Variants in ATXN10 observed in about 807,000 individuals in gnomAD.
The protein encoded by ATXN10 is ataxin-10.
In ATXN10, 28 loss-of-function variants were observed where a neutral mutation model predicts 52.9. The ratio of observed to expected loss-of-function variants is 0.53; its 90% CI spans 0.39 to 0.73. The LOEUF is 0.73. Ranked by LOEUF, ATXN10 falls within the 30% of genes least tolerant of loss-of-function variation. ATXN10 has a pLI of 0.00. For synonymous variants in ATXN10, 226 were observed against 221.5 expected, an observed-to-expected ratio of 1.02 and a Z score of -0.18; for missense variants, 565 against 577.0, an observed-to-expected ratio of 0.98 and a Z score of 0.21.
intron 9 of ATXN10, among the ~76,000 whole-genome samples, chr22:45,803,142 G>C (rs1210851586): frequency 6.6e-6 from 1 of 152,174 alleles, no homozygotes; most frequent in African/African-American, 2.4e-5. Flanking sequence ...CTTTGAAGAA[G>C]GCACTATCAT....
chr22:45,734,498 G>GAGGT (rs1925211744), intron 7 of ATXN10: 2 of 155,856 alleles, frequency 1.3e-5, no homozygotes, highest in African/African-American at 5.0e-5. Context: ...TAATCTAGTT[G>GAGGT]AGGTTATCAA....
Position 45,684,181 on chromosome 22 carries a change from G to C in ATXN10, c.117-5531G>C, listed in dbSNP as rs910713232. On this transcript the variant is annotated intron_variant, in intron 1 of 11. Transcript: ENST00000252934. This position sits in a 1 kb window ranked among gnomAD's most constrained non-coding sequence, Gnocchi z 4.1. ...AGATAGGGTCTTGCTATGTTAGGCA[G>C]GTCTTGAACTCTCCTGGCTTCTGCC... 2.0e-5 allele frequency among the ~76,000 whole-genome samples: 3 copies of C among 151,426 alleles called. No homozygotes were observed. The highest frequency in any genetic ancestry group is 2.0e-4 in the Admixed American group (3 of 15,194).
chr22:45,842,732 T>TA lies in ATXN10; in HGVS notation c.1238-258dup, dbSNP rs1569085879. Among the ~76,000 whole-genome samples the TA allele has an allele frequency of 6.6e-6, 1 of 152,216 alleles. No homozygotes were observed. Among genetic ancestry groups the TA allele is most frequent in the African/African-American group, 2.4e-5 (1 of 41,468 alleles). ...CTTCCTTGTTCATTCATTCAACAAA[T>TA]ACTGAGTAAATCTCTCTGGGTGCCC... is the stretch of plus-strand genomic sequence containing the variant. On this transcript the variant is annotated intron_variant, in intron 10 of 11. Coordinates refer to ENST00000252934, the MANE Select transcript of ATXN10 (RefSeq NM_013236.4). The surrounding 1 kb of genome is among the most constrained non-coding windows in gnomAD (Gnocchi z 4.8).
Position 45,805,696 on chromosome 22 carries a change from G to T in ATXN10, c.1174-1263G>T, listed in dbSNP as rs1284373291. Among the ~76,000 whole-genome samples the T allele has an allele frequency of 6.6e-6, 1 of 152,218 alleles. No individual in the cohort carries two copies. The highest frequency in any genetic ancestry group is 6.5e-5 in the Admixed American group (1 of 15,280). ...AAGGATAGTTGCCAAGGACTGGGGG[G>T]AGGGAAGAATAAGGAGTGACTGCCA... On this transcript the variant is annotated intron_variant, in intron 9 of 11. Transcript: ENST00000252934. The surrounding 1 kb of genome is among the most constrained non-coding windows in gnomAD (Gnocchi z 4.4).
At chr22:45,802,582 C>T (rs1042680561) in intron 9 of ATXN10, among the ~76,000 whole-genome samples, 7 of 152,162 alleles carry the variant, frequency 4.6e-5, no homozygotes, top group Non-Finnish European at 8.8e-5. Context: ...ATGTTGTAAA[C>T]GTTTAATGAA....
At position 45,757,166 on chromosome 22, in the gene ATXN10, G is replaced by C. The variant is rs1376117125; in HGVS notation, c.1173+16628G>C. ...GCGGACGACTGGGGAGTCTGATGGG[G>C]AGGTGGGTGGCGGGGGTGTTGACAG... On this transcript the variant is annotated intron_variant, in intron 9 of 11. Coordinates refer to ENST00000252934, the MANE Select transcript of ATXN10 (RefSeq NM_013236.4). The surrounding 1 kb of genome is among the most constrained non-coding windows in gnomAD (Gnocchi z 4.6). Among the ~76,000 whole-genome samples, 1 of 152,174 alleles carries C rather than the reference G, an allele frequency of 6.6e-6. No individual in the cohort carries two copies. The highest frequency in any genetic ancestry group is 1.5e-5 in the Non-Finnish European group (1 of 68,036).
intron 5 of ATXN10, among the ~76,000 whole-genome samples, chr22:45,710,618 G>A (rs1218831180): frequency 6.6e-6 from 1 of 152,192 alleles, no homozygotes; most frequent in African/African-American, 2.4e-5. Context: ...TAGAACATGT[G>A]TTGACAAACT....
chr22:45,732,076 A>G lies in ATXN10; in HGVS notation c.894+2486A>G, dbSNP rs1925108863. 6.6e-6 allele frequency among the ~76,000 whole-genome samples: 1 copy of G among 152,164 alleles called. No individual in the cohort carries two copies. Among genetic ancestry groups the G allele is most frequent in the Non-Finnish European group, 1.5e-5 (1 of 68,034 alleles). ...ATTGTAGTGAGAAATTCCTGGTGTA[A>G]CTTTTCATATTTAGGAAAACTTCTA... On this transcript the variant is annotated intron_variant, in intron 7 of 11. Coordinates refer to ENST00000252934, the MANE Select transcript of ATXN10 (RefSeq NM_013236.4). This position sits in a 1 kb window ranked among gnomAD's most constrained non-coding sequence, Gnocchi z 4.5.
rs886539060 is a variant in ATXN10 at position 45,794,007 on chromosome 22, G to C, written c.1174-12952G>C. The stretch of plus-strand genomic sequence containing the variant: ...TATTTATACCCACTTTTAACTATAT[G>C]CGAATTAAGGGGCAGTTTATGCAGA... On this transcript the variant is annotated intron_variant, in intron 9 of 11. Coordinates refer to ENST00000252934, the MANE Select transcript of ATXN10 (RefSeq NM_013236.4). 5.9e-4 allele frequency among the ~76,000 whole-genome samples: 90 copies of C among 152,218 alleles called. 1 individual carries two copies. The highest frequency in any genetic ancestry group is 5.7e-3 in the Admixed American group (87 of 15,282).
chr22:45,799,087 G>GTTTTTTGTT lies in ATXN10; in HGVS notation c.1174-7867_1174-7866insTGTTTTTTT. ...AGGAGACATTTGTGTTTTGTTTTTT[G>GTTTTTTGTT]TTTTTCTTTTGAGACAGAGTTTCAC... On this transcript the variant is annotated intron_variant, in intron 9 of 11. Transcript: ENST00000252934. Among the ~76,000 whole-genome samples, 2 of 149,588 alleles carry GTTTTTTGTT rather than the reference G, an allele frequency of 1.3e-5. 1 individual carries two copies. The highest frequency in any genetic ancestry group is 4.2e-4 in the South Asian group (2 of 4,754).
chr22:45,780,341 C>G lies in ATXN10; in HGVS notation c.1174-26618C>G, dbSNP rs949357249. On this transcript the variant is annotated intron_variant, in intron 9 of 11. Coordinates refer to ENST00000252934, the MANE Select transcript of ATXN10 (RefSeq NM_013236.4). The surrounding 1 kb of genome is among the most constrained non-coding windows in gnomAD (Gnocchi z 4.0). ...TCAAATGATCCACCCGCTTCAGCCT[C>G]CCAAATTGCTGGGATTACAGGCATG... 3.3e-5 allele frequency among the ~76,000 whole-genome samples: 5 copies of G among 152,234 alleles called. No individual in the cohort carries two copies. Among genetic ancestry groups the G allele is most frequent in the African/African-American group, 1.2e-4 (5 of 41,456 alleles).
intron 10 of ATXN10, among the ~76,000 whole-genome samples, chr22:45,808,823 A>C (rs1235087888): frequency 6.6e-6 from 1 of 152,232 alleles, no homozygotes; most frequent in Non-Finnish European, 1.5e-5. Context: ...TCAAAGTTAC[A>C]CATGGAAAAA....
In ATXN10 at chr22:45,818,751, C is replaced by T. The variant is rs1242097411; in HGVS notation, c.1237+11729C>T. 1.3e-5 allele frequency among the ~76,000 whole-genome samples: 2 copies of T among 152,038 alleles called. No individual in the cohort carries two copies. The highest frequency in any genetic ancestry group is 2.9e-5 in the Non-Finnish European group (2 of 68,008). Reference sequence around the variant, plus strand: ...TGCCTGTCTGCTGCGTTTTCCCAAGCGTGCTTCTCAGTGGTTGCTGTTAAT... The same window carrying T: ...TGCCTGTCTGCTGCGTTTTCCCAAGTGTGCTTCTCAGTGGTTGCTGTTAAT... On this transcript the variant is annotated intron_variant, in intron 10 of 11. Transcript: ENST00000252934. The surrounding 1 kb of genome is among the most constrained non-coding windows in gnomAD (Gnocchi z 4.6).
At chr22:45,810,073 A>G (rs904806073) in intron 10 of ATXN10, among the ~76,000 whole-genome samples, 1 of 152,256 alleles carries the variant, frequency 6.6e-6, no homozygotes, top group East Asian at 1.9e-4. Context: ...ATATATGTCA[A>G]ATTCATTTAG....
At chr22:45,703,531 T>C (rs1036929078) in intron 5 of ATXN10, among the ~76,000 whole-genome samples, 2 of 152,186 alleles carry the variant, frequency 1.3e-5, no homozygotes, top group Non-Finnish European at 2.9e-5. Context: ...TGGGACTCCA[T>C]GTTTTAGGCG....
chr22:45,711,664 G>T (rs568844897), intron 5 of ATXN10, among the ~76,000 whole-genome samples: 1 of 152,082 alleles, frequency 6.6e-6, no homozygotes. Flanking sequence ...GTAAAACTGC[G>T]TGTGCATCTA....
At chr22:45,749,487 A>G (rs1289828503) in intron 9 of ATXN10, among the ~76,000 whole-genome samples, 1 of 152,182 alleles carries the variant, frequency 6.6e-6, no homozygotes, top group East Asian at 1.9e-4. Flanking sequence ...TTTTTCCACA[A>G]TTCTTACTGA....
In ATXN10 at chr22:45,790,183, T is replaced by G. The variant is rs1037783948; in HGVS notation, c.1174-16776T>G. ...AAATATATTCTCCCTGATTTCTTAT[T>G]CTGCACAATCCCAGTTAGAGGGGCT... On this transcript the variant is annotated intron_variant, in intron 9 of 11. Coordinates refer to ENST00000252934, the MANE Select transcript of ATXN10 (RefSeq NM_013236.4). The surrounding 1 kb of genome is among the most constrained non-coding windows in gnomAD (Gnocchi z 4.7). Among the ~76,000 whole-genome samples, 3 of 152,198 alleles carry G rather than the reference T, an allele frequency of 2.0e-5. No individual in the cohort carries two copies. Among genetic ancestry groups the G allele is most frequent in the Non-Finnish European group, 2.9e-5 (2 of 68,034 alleles).
chr22:45,799,775 A>G (rs922239481), intron 9 of ATXN10, among the ~76,000 whole-genome samples: 3 of 152,226 alleles, frequency 2.0e-5, no homozygotes, highest in Non-Finnish European at 4.4e-5. Flanking sequence ...AACAATTTTG[A>G]AAACAAAACA....
Sources: gnomAD v4.1 joint callset for allele counts (sites outside exome capture counted in the v4.1 genomes callset) on GRCh38, gnomAD v4.1.1 for gene constraint, Gnocchi (gnomAD v3.1) non-coding constraint, MANE v1.5 for transcripts, NCBI Gene and HGNC (gene_info 2026-07-23, HGNC 2026-07-21) for gene names.